OTUD4: variants seen among roughly 807,000 people sequenced by gnomAD.
The protein encoded by OTUD4 is OTU deubiquitinase 4.
Under a neutral mutation model 130.4 loss-of-function variants are expected in OTUD4, and 24 were observed. That is an observed-to-expected ratio of 0.18 (90% confidence interval 0.13 to 0.26). The LOEUF (loss-of-function observed/expected upper bound fraction) is 0.26, where lower values mean the gene tolerates loss of function less well. Ranked by LOEUF, OTUD4 falls within the 10% of genes least tolerant of loss-of-function variation. The pLI, the probability that OTUD4 is intolerant of heterozygous loss-of-function variation, is 1.00. For synonymous variants in OTUD4, 420 were observed against 472.5 expected (o/e 0.89, Z 1.44); for missense variants, 1,031 against 1,329.4 (o/e 0.78, Z 3.49).
In OTUD4 at chr4:145,138,551, C is replaced by G. The variant is rs759015189; in HGVS notation, c.2224G>C (p.Val742Leu). The change falls in exon 21 of 21, where the codon GTT becomes CTT. Residue 742 changes from valine (V) to leucine (L), a missense_variant. By Grantham distance (32) the Val-to-Leu change is conservative. Transcript: ENST00000447906. The stretch of plus-strand genomic sequence containing the variant: ...TGGAACCAGGGATTATGAGGATAAA[C>G]AGGGACAGGGACCTTTGGGTACATC... ...CRMYPKVPVP[V>L]YPHNPWFQEA... 8 of 1,614,140 alleles carry G rather than the reference C, an allele frequency of 5.0e-6. No homozygotes were observed. The highest frequency in any genetic ancestry group is 6.8e-6 in the Non-Finnish European group (8 of 1,180,018).
At chr4:145,179,468 AGGAAGGTGAAT>A in intron 1 of OTUD4, 4 of 325,396 alleles carry the variant, frequency 1.2e-5, no homozygotes, top group Admixed American at 5.9e-5. Context: ...AACGAAGGGA[AGGAAGGTGAAT>A]GCGGAACAAA....
chr4:145,159,807 A>G (rs574840537), intron 6 of OTUD4, among the ~76,000 whole-genome samples, 172 bp from the exon 7 acceptor site: 1 of 152,372 alleles, frequency 6.6e-6, no homozygotes, highest in South Asian at 2.1e-4. Flanking sequence ...TACCTAGGGT[A>G]CAGCTAAAAT....
intron 7 of OTUD4, chr4:145,159,133 A>G: frequency 9.6e-7 from 1 of 1,042,612 alleles, no homozygotes; most frequent in Non-Finnish European, 1.2e-6. Context: ...ACAATAAAAG[A>G]AAGTGAAGGA....
intron 3 of OTUD4, among the ~76,000 whole-genome samples, chr4:145,165,417 A>G (rs555911610): frequency 5.3e-5 from 8 of 152,302 alleles, no homozygotes; most frequent in African/African-American, 1.9e-4. Context: ...AAAAATACTA[A>G]CAGGGTGAAA....
chr4:145,159,152 C>A (rs939568013), intron 7 of OTUD4: 4 of 1,042,498 alleles, frequency 3.8e-6, no homozygotes, highest in Non-Finnish European at 4.6e-6. Flanking sequence ...GAAATCCAAA[C>A]GGCCATTTTA....
chr4:145,144,522 A>G lies in OTUD4; in HGVS notation c.1423-88T>C, dbSNP rs575958906. 34 of 1,295,668 alleles carry G rather than the reference A, an allele frequency of 2.6e-5. No individual in the cohort carries two copies. In the East Asian group the frequency reaches 4.4e-4, roughly 17 times the overall value. 80.3% of individuals were successfully genotyped at this position (1,295,668 alleles called of 1,614,324 possible). ...TTCTGTAATTAATCTCACTCTTCAT[A>G]CTTCTAAAATCTTAAAATTCACAGC... is the stretch of plus-strand genomic sequence containing the variant. On this transcript the variant is annotated intron_variant, in intron 14 of 20. Transcript: ENST00000447906.
intron 7 of OTUD4, among the ~76,000 whole-genome samples, chr4:145,158,377 G>A (rs1216161157): frequency 6.6e-6 from 1 of 152,034 alleles, no homozygotes; most frequent in East Asian, 1.9e-4. Flanking sequence ...AGCTACTTGG[G>A]AGGCTGAGGC....
intron 5 of OTUD4, among the ~76,000 whole-genome samples, chr4:145,163,289 G>A (rs1171991238): frequency 1.3e-5 from 2 of 152,168 alleles, no homozygotes; most frequent in Non-Finnish European, 2.9e-5. Flanking sequence ...CACCAGCATG[G>A]TGGAACACAA....
chr4:145,144,232 T>TAACAA lies in OTUD4; in HGVS notation c.1546+78_1546+79insTTGTT, dbSNP rs1750716530. On this transcript the variant is annotated intron_variant, in intron 15 of 20. Transcript: ENST00000447906. ...AACTACTTAACAACTTAAAAAGGGTTCTTTCCCAAATATATGACATTAAGC... is the reference window on the plus strand; with the variant it reads ...AACTACTTAACAACTTAAAAAGGGTTAACAACTTTCCCAAATATATGACATTAAGC... 133 of 1,473,526 alleles carry TAACAA rather than the reference T, an allele frequency of 9.0e-5. No homozygotes were observed. In the South Asian group the frequency reaches 1.4e-3, roughly 15 times the overall value. 91.3% of individuals were successfully genotyped at this position (1,473,526 alleles called of 1,614,324 possible).
intron 1 of OTUD4, 40 bp downstream of exon 1, chr4:145,179,775 C>T: frequency 7.2e-7 from 1 of 1,394,272 alleles, no homozygotes; most frequent in Non-Finnish European, 9.6e-7. Context: ...CGGGCCGTCC[C>T]CGCCTCCCCT....
rs376552738 is a variant in OTUD4, at chr4:145,143,463, A to C, written c.1603-18T>G. The C allele has an allele frequency of 1.2e-4, 179 of 1,520,476 alleles. No homozygotes were observed. Among genetic ancestry groups the C allele is most frequent in the Non-Finnish European group, 1.4e-4 (152 of 1,100,054 alleles). 94.2% of individuals were successfully genotyped at this position (1,520,476 alleles called of 1,614,324 possible). A position where few individuals can be genotyped will look rare whatever the true frequency, so the allele number is the denominator to read the frequency against. ...GTAATATTCTTTGGAAGCAAAAAAG[A>C]AGCAAAGTTTTGTATTTCAGAGACC... is the stretch of plus-strand genomic sequence containing the variant. On this transcript the variant is annotated intron_variant, in intron 16 of 20. Transcript: ENST00000447906.
At chr4:145,163,143 G>C (rs1386250373) in intron 5 of OTUD4, among the ~76,000 whole-genome samples, 1 of 152,084 alleles carries the variant, frequency 6.6e-6, no homozygotes, top group Non-Finnish European at 1.5e-5. Context: ...AAAGAAAAAT[G>C]CACATTGATT....
chr4:145,158,124 A>C (rs1751382175), intron 7 of OTUD4, among the ~76,000 whole-genome samples: 1 of 152,246 alleles, frequency 6.6e-6, no homozygotes, highest in South Asian at 2.1e-4. Context: ...AGTTAGAAAG[A>C]AATGGTGGCC....
At chr4:145,178,523 A>G (rs924372364) in intron 1 of OTUD4, 2 of 152,162 alleles carry the variant, frequency 1.3e-5, no homozygotes, top group African/African-American at 4.8e-5. Flanking sequence ...CCTACTAACA[A>G]TAAGGACCGG....
chr4:145,142,986 T>C (rs1750637774), intron 17 of OTUD4, among the ~76,000 whole-genome samples: 1 of 152,246 alleles, frequency 6.6e-6, no homozygotes. Flanking sequence ...AAATAACTGA[T>C]GCAGATAACT....
chr4:145,179,481 C>A, intron 1 of OTUD4: 2 of 463,234 alleles, frequency 4.3e-6, no homozygotes, highest in South Asian at 8.8e-5. Context: ...AAGGTGAATG[C>A]GGAACAAAAG....
At chr4:145,140,732 A>G (rs1750517227) in intron 19 of OTUD4, among the ~76,000 whole-genome samples, 1 of 152,164 alleles carries the variant, frequency 6.6e-6, no homozygotes, top group African/African-American at 2.4e-5. Context: ...CAGTGTTGAT[A>G]AAGCTCCACA....
intron 7 of OTUD4, chr4:145,159,262 T>C: frequency 7.7e-7 from 1 of 1,305,152 alleles, no homozygotes; most frequent in Non-Finnish European, 9.7e-7. Context: ...AATATGCATC[T>C]AGATTGCAGA....
rs1448152090 is a variant in OTUD4, at chr4:145,171,852, A to C, written c.244-132T>G. 8 of 638,630 alleles carry C rather than the reference A, an allele frequency of 1.3e-5. No homozygotes were observed. In the African/African-American group the frequency reaches 1.5e-4, roughly 12 times the overall value. 39.6% of individuals were successfully genotyped at this position (638,630 alleles called of 1,614,324 possible). A position where few individuals can be genotyped will look rare whatever the true frequency, so the allele number is the denominator to read the frequency against. On this transcript the variant is annotated intron_variant, in intron 2 of 20. Coordinates refer to ENST00000447906, the MANE Select transcript of OTUD4 (RefSeq NM_001366057.1). ...CCTAAAATACCTCAGTATTATTTAAAAATATGTACATAATCTAATTATGAA... is the reference window on the plus strand; with the variant it reads ...CCTAAAATACCTCAGTATTATTTAACAATATGTACATAATCTAATTATGAA...
Sources: allele counts gnomAD v4.1 joint callset (sites outside exome capture counted in the v4.1 genomes callset), GRCh38; gene constraint gnomAD v4.1.1; transcripts MANE v1.5; gene names NCBI Gene and HGNC (gene_info 2026-07-23, HGNC 2026-07-21).